Variants in RAD51B observed in about 807,000 individuals in gnomAD.
RAD51B encodes the protein RAD51 paralog B.
RAD51B carries 38 observed loss-of-function variants against 42.2 expected under a neutral mutation model. The observed-to-expected ratio is 0.90, with a 90% confidence interval of 0.70 to 1.18. The LOEUF (loss-of-function observed/expected upper bound fraction) is 1.18. Ranked by LOEUF, RAD51B falls within the 50% of genes most tolerant of loss-of-function variation. RAD51B has a pLI of 0.00. For missense variants in RAD51B, 373 were observed against 400.7 expected, an observed-to-expected ratio of 0.93 and a Z score of 0.59; for synonymous variants, 154 against 145.2, an observed-to-expected ratio of 1.06 and a Z score of -0.43.
chr14:67,848,967 G>T (rs1021826928), intron 4 of RAD51B, among the ~76,000 whole-genome samples: 1 of 152,178 alleles, frequency 6.6e-6, no homozygotes, highest in African/African-American at 2.4e-5. Context: ...GCCTGATGGG[G>T]TTCCTTCTGT....
intron 8 of RAD51B, among the ~76,000 whole-genome samples, chr14:68,355,578 G>T (rs1234263010): frequency 1.3e-5 from 2 of 152,092 alleles, no homozygotes; most frequent in African/African-American, 2.4e-5. Context: ...GAGACTTGCT[G>T]GTCACAGCTG....
intron 8 of RAD51B, among the ~76,000 whole-genome samples, chr14:68,296,206 G>C (rs928827859): frequency 1.3e-5 from 2 of 152,162 alleles, no homozygotes; most frequent in African/African-American, 4.8e-5. Flanking sequence ...TTAACTGTTA[G>C]AGCTGGAAAA....
chr14:67,836,789 G>A (rs1211576154), intron 4 of RAD51B, among the ~76,000 whole-genome samples: 2 of 152,100 alleles, frequency 1.3e-5, no homozygotes, highest in African/African-American at 4.8e-5. Context: ...AGAAGTGTCA[G>A]GAATTTGAGG....
intron 8 of RAD51B, among the ~76,000 whole-genome samples, chr14:68,401,894 T>C (rs1335322398): frequency 6.6e-6 from 1 of 152,226 alleles, no homozygotes; most frequent in African/African-American, 2.4e-5. Flanking sequence ...AATACTGCGG[T>C]TGCTTACTTA....
intron 10 of RAD51B, among the ~76,000 whole-genome samples, chr14:68,592,253 A>ATGTGTGTGTG (rs55833641): frequency 7.9e-5 from 11 of 140,058 alleles, no homozygotes; most frequent in South Asian, 2.2e-4. Flanking sequence ...GTAGGCAATG[A>ATGTGTGTGTG]TGTGTGTGTG....
chr14:68,663,737 C>T (rs531587779), intron 11 of RAD51B, among the ~76,000 whole-genome samples: 13 of 152,078 alleles, frequency 8.5e-5, no homozygotes, highest in African/African-American at 2.9e-4. Flanking sequence ...GTGAGAATAG[C>T]ATAAGAGTTA....
chr14:68,175,776 CTT>C (rs1257833826), intron 7 of RAD51B, among the ~76,000 whole-genome samples: 1 of 152,176 alleles, frequency 6.6e-6, no homozygotes, highest in Non-Finnish European at 1.5e-5. Flanking sequence ...CTCAGTCTGA[CTT>C]GGGTTCAAAT....
At chr14:68,364,497 C>T (rs1234359727) in intron 8 of RAD51B, among the ~76,000 whole-genome samples, 1 of 152,192 alleles carries the variant, frequency 6.6e-6, no homozygotes, top group South Asian at 2.1e-4. Context: ...GACCGCCGGG[C>T]GCGGTGGAGG....
In RAD51B at chr14:68,091,473, T is replaced by C. The variant is rs2077098313; in HGVS notation, c.757-200411T>C. Reference sequence around the variant, plus strand: ...GCCAATGATGATGAGCATTTTTTCATGTGTTTTTTGGCTCCATAAATGTCT... The same window carrying C: ...GCCAATGATGATGAGCATTTTTTCACGTGTTTTTTGGCTCCATAAATGTCT... On this transcript the variant is annotated intron_variant, in intron 7 of 10. Coordinates refer to ENST00000471583, the MANE Select transcript of RAD51B (RefSeq NM_133510.4). Among the ~76,000 whole-genome samples, 2 of 152,254 alleles carry C rather than the reference T, an allele frequency of 1.3e-5. 1 individual carries two copies. Among genetic ancestry groups the C allele is most frequent in the South Asian group, 4.1e-4 (2 of 4,836 alleles).
chr14:68,040,054 A>G (rs1479054552), intron 7 of RAD51B, among the ~76,000 whole-genome samples: 1 of 152,254 alleles, frequency 6.6e-6, no homozygotes, highest in Non-Finnish European at 1.5e-5. Context: ...GCTGTATTCA[A>G]CAGAATTTGT....
At chr14:68,668,585 G>T (rs1055807258) in intron 11 of RAD51B, among the ~76,000 whole-genome samples, 3 of 152,212 alleles carry the variant, frequency 2.0e-5, no homozygotes, top group Admixed American at 2.0e-4. Context: ...ATTTCAGGTG[G>T]CATAACCATT....
intron 7 of RAD51B, among the ~76,000 whole-genome samples, chr14:67,966,301 G>C (rs1266994738): frequency 6.6e-6 from 1 of 152,192 alleles, no homozygotes; most frequent in Non-Finnish European, 1.5e-5. Context: ...TAAATTGAAA[G>C]AGGGAAATAG....
chr14:67,922,142 A>C (rs141494773), intron 7 of RAD51B, among the ~76,000 whole-genome samples: 2 of 152,120 alleles, frequency 1.3e-5, no homozygotes, highest in Non-Finnish European at 2.9e-5. Context: ...TGAAGTGCCA[A>C]CTTAATGAAT....
At chr14:68,235,719 A>AG (rs1432844357) in intron 7 of RAD51B, among the ~76,000 whole-genome samples, 1 of 149,440 alleles carries the variant, frequency 6.7e-6, no homozygotes, top group Non-Finnish European at 1.5e-5. Flanking sequence ...AAAAAAAAAA[A>AG]AAAAAAAAAA....
At chr14:68,005,258 TAGTC>T (rs2075567236) in intron 7 of RAD51B, among the ~76,000 whole-genome samples, 1 of 151,976 alleles carries the variant, frequency 6.6e-6, no homozygotes, top group African/African-American at 2.4e-5. Context: ...TTCACCATGT[TAGTC>T]AGGCTGATCT....
chr14:68,295,132 C>G lies in RAD51B; in HGVS notation c.853+3152C>G, dbSNP rs144390064. Reference sequence around the variant, plus strand: ...AGAAAATTCAGTTTGCCCTCTCATTCCTTCTCAAGGCACAAAGCTCAGGGG... The same window carrying G: ...AGAAAATTCAGTTTGCCCTCTCATTGCTTCTCAAGGCACAAAGCTCAGGGG... On this transcript the variant is annotated intron_variant, in intron 8 of 10. Coordinates refer to ENST00000471583, the MANE Select transcript of RAD51B (RefSeq NM_133510.4). Among the ~76,000 whole-genome samples the G allele has an allele frequency of 2.1e-3, 316 of 152,294 alleles. 1 individual carries two copies. Among genetic ancestry groups the G allele is most frequent in the Admixed American group, 7.4e-3 (113 of 15,300 alleles).
intron 10 of RAD51B, among the ~76,000 whole-genome samples, chr14:68,471,383 A>G (rs2086120491): frequency 6.6e-6 from 1 of 152,088 alleles, no homozygotes. Context: ...ATTTTATAAT[A>G]CCTGAAGAAC....
intron 8 of RAD51B, among the ~76,000 whole-genome samples, chr14:68,293,722 C>G (rs1490874115): frequency 6.6e-6 from 1 of 152,192 alleles, no homozygotes; most frequent in Non-Finnish European, 1.5e-5. Context: ...TGGTCTCAGT[C>G]TCTTTTTCCT....
intron 11 of RAD51B, among the ~76,000 whole-genome samples, chr14:68,669,651 C>T (rs1263375099): frequency 6.6e-6 from 1 of 152,116 alleles, no homozygotes; most frequent in Non-Finnish European, 1.5e-5. Flanking sequence ...CACACACACA[C>T]ACACACACAC....
Sources: allele counts gnomAD v4.1 joint callset (sites outside exome capture counted in the v4.1 genomes callset), GRCh38; gene constraint gnomAD v4.1.1; transcripts MANE v1.5; gene names NCBI Gene and HGNC (gene_info 2026-07-23, HGNC 2026-07-21).